Variants in LIPI observed in about 807,000 individuals in gnomAD.
The protein encoded by LIPI is lipase member I.
A neutral mutation model predicts 50.6 loss-of-function variants in LIPI; 59 were observed. The observed-to-expected ratio is 1.16, with a 90% confidence interval of 0.94 to 1.45. The LOEUF is 1.45. LIPI is among the 40% of genes most tolerant of loss of function. The pLI is 0.00. For synonymous variants in LIPI, 203 were observed against 178.2 expected (o/e 1.14, Z -1.11); for missense variants, 586 against 536.3 (o/e 1.09, Z -0.92).
intron 7 of LIPI, among the ~76,000 whole-genome samples, chr21:14,156,623 A>G (rs1020928894): frequency 6.6e-6 from 1 of 151,956 alleles, no homozygotes; most frequent in Non-Finnish European, 1.5e-5. Flanking sequence ...TTGTTAGTGT[A>G]GTTATAGAAA....
intron 9 of LIPI, among the ~76,000 whole-genome samples, chr21:14,131,242 T>C (rs2017282619): frequency 6.6e-6 from 1 of 152,074 alleles, no homozygotes; most frequent in South Asian, 2.1e-4. Flanking sequence ...AACAAGCTAC[T>C]TGGAGGCCCC....
intron 7 of LIPI, among the ~76,000 whole-genome samples, chr21:14,153,731 T>G (rs753631675): frequency 1.4e-4 from 22 of 152,058 alleles, no homozygotes; most frequent in Non-Finnish European, 3.1e-4. Context: ...GGAGAAATGA[T>G]GCTAAAGGAC....
intron 1 of LIPI, among the ~76,000 whole-genome samples, chr21:14,191,440 A>C (rs2019673099): frequency 6.6e-6 from 1 of 151,976 alleles, no homozygotes. Context: ...AAATGATGAA[A>C]TTACACTAGA....
At chr21:14,129,798 G>GTTT (rs567972643) in intron 9 of LIPI, among the ~76,000 whole-genome samples, 64 of 101,688 alleles carry the variant, frequency 6.3e-4, no homozygotes, top group South Asian at 2.7e-3. Flanking sequence ...GACTCTAATT[G>GTTT]TTTTTTTTTT....
intron 1 of LIPI, among the ~76,000 whole-genome samples, chr21:14,194,147 A>G (rs956200783): frequency 5.3e-5 from 8 of 152,178 alleles, no homozygotes; most frequent in African/African-American, 1.9e-4. Flanking sequence ...ACAAAAATGG[A>G]AAATAACAAC....
intron 4 of LIPI, among the ~76,000 whole-genome samples, chr21:14,173,213 G>A (rs1417215109): frequency 6.6e-6 from 1 of 152,204 alleles, no homozygotes; most frequent in Non-Finnish European, 1.5e-5. Context: ...GAGCTTCGGA[G>A]CAAAGGAAGC....
chr21:14,139,396 T>TA (rs1313127055), intron 9 of LIPI, among the ~76,000 whole-genome samples: 1 of 152,184 alleles, frequency 6.6e-6, no homozygotes, highest in African/African-American at 2.4e-5. Flanking sequence ...TTTAAGCATT[T>TA]AAAAACATGT....
intron 1 of LIPI, among the ~76,000 whole-genome samples, chr21:14,195,735 T>C (rs1353451583): frequency 2.0e-5 from 3 of 152,164 alleles, no homozygotes; most frequent in Non-Finnish European, 4.4e-5. Context: ...AATACTTGTA[T>C]CTAGACTAAC....
intron 9 of LIPI, among the ~76,000 whole-genome samples, chr21:14,119,096 G>A (rs772990035): frequency 5.3e-5 from 8 of 152,102 alleles, no homozygotes; most frequent in Admixed American, 1.3e-4. Context: ...CATCCAATTA[G>A]CCCCTGTAAG....
intron 8 of LIPI, 115 bp from the exon 9 acceptor site, chr21:14,144,914 G>A (rs1006039182): frequency 8.0e-6 from 5 of 627,708 alleles, no homozygotes; most frequent in Non-Finnish European, 1.4e-5. Context: ...TAGGGAAAAG[G>A]CCAAACAAAA....
intron 9 of LIPI, among the ~76,000 whole-genome samples, chr21:14,116,120 GGGAGCCTAACTA>G (rs1160034897): frequency 6.6e-6 from 1 of 152,042 alleles, no homozygotes; most frequent in African/African-American, 2.4e-5. Flanking sequence ...GTGTGAATGT[GGGAGCCTAACTA>G]GGCTCATCTG....
At chr21:14,182,528 C>T (rs1336006142) in intron 3 of LIPI, among the ~76,000 whole-genome samples, 2 of 152,152 alleles carry the variant, frequency 1.3e-5, no homozygotes, top group Non-Finnish European at 2.9e-5. Flanking sequence ...AAGAAACAAT[C>T]ATCTTAAAAA....
At chr21:14,118,544 G>A (rs1190608461) in intron 9 of LIPI, among the ~76,000 whole-genome samples, 1 of 152,166 alleles carries the variant, frequency 6.6e-6, no homozygotes, top group Non-Finnish European at 1.5e-5. Context: ...ACCAAGTGGA[G>A]ATAGGACCTT....
chr21:14,180,314 C>G (rs9975152), intron 4 of LIPI, among the ~76,000 whole-genome samples: 43,706 of 151,964 alleles, frequency 0.29, 6,479 homozygotes, highest in Middle Eastern at 0.35. Flanking sequence ...AGCATGTGAT[C>G]TTTGTACCTA....
intron 7 of LIPI, among the ~76,000 whole-genome samples, chr21:14,160,966 T>C (rs888886465): frequency 2.6e-5 from 4 of 151,382 alleles, no homozygotes; most frequent in African/African-American, 9.7e-5. Context: ...TTTAAAATAA[T>C]GACACCACCA....
At chr21:14,125,000 A>T (rs922032781) in intron 9 of LIPI, among the ~76,000 whole-genome samples, 2 of 152,202 alleles carry the variant, frequency 1.3e-5, no homozygotes, top group African/African-American at 4.8e-5. Flanking sequence ...CCTCGAAAAA[A>T]AAAAATGTCA....
At chr21:14,174,647 G>C (rs765624849) in intron 4 of LIPI, among the ~76,000 whole-genome samples, 1 of 152,022 alleles carries the variant, frequency 6.6e-6, no homozygotes, top group Non-Finnish European at 1.5e-5. Context: ...TCTGCCTACC[G>C]GGTTTAAGCA....
intron 9 of LIPI, among the ~76,000 whole-genome samples, chr21:14,123,332 C>T (rs2016934625): frequency 6.6e-6 from 1 of 152,138 alleles, no homozygotes; most frequent in African/African-American, 2.4e-5. Context: ...CTCTCAGTTT[C>T]CAGCGCTGAA....
chr21:14,133,887 A>G (rs1402781225), intron 9 of LIPI, among the ~76,000 whole-genome samples: 2 of 152,212 alleles, frequency 1.3e-5, no homozygotes, highest in East Asian at 1.9e-4. Context: ...CAATGCTACA[A>G]CACATTAAAA....
Sources: gnomAD v4.1 joint callset for allele counts (sites outside exome capture counted in the v4.1 genomes callset) on GRCh38, gnomAD v4.1.1 for gene constraint, MANE v1.5 for transcripts, NCBI Gene and HGNC (gene_info 2026-07-23, HGNC 2026-07-21) for gene names.